CACNA2D1: variants seen among roughly 807,000 people sequenced by gnomAD.
CACNA2D1 encodes voltage-dependent calcium channel subunit alpha-2/delta-1.
Under a neutral mutation model 171.5 loss-of-function variants are expected in CACNA2D1, and 53 were observed. The observed-to-expected ratio is 0.31, with a 90% CI of 0.25 to 0.39. The LOEUF is 0.39. CACNA2D1 is among the 10% of genes least tolerant of loss of function. The pLI, the probability that CACNA2D1 is intolerant of heterozygous loss-of-function variation, is 1.00. For missense variants in CACNA2D1, 903 were observed against 1,299.8 expected, an observed-to-expected ratio of 0.69 and a Z score of 4.69; for synonymous variants, 442 against 443.1, an observed-to-expected ratio of 1.00 and a Z score of 0.03.
chr7:82,443,489 C>G lies in CACNA2D1; in HGVS notation c.-30G>C. ...GCGATCGAAGATCAATGCCCCCTCC[C>G]TGCCCAAGCGGGGGAAGGAGCGGCG... On this transcript the variant is annotated 5_prime_UTR_variant, in exon 1 of 39. Coordinates refer to ENST00000356860, the MANE Select transcript of CACNA2D1 (RefSeq NM_000722.4). 6.2e-7 allele frequency: 1 copy of G among 1,601,548 alleles called. No individual in the cohort carries two copies. Among genetic ancestry groups the G allele is most frequent in the East Asian group, 2.3e-5 (1 of 44,100 alleles).
intron 3 of CACNA2D1, among the ~76,000 whole-genome samples, chr7:82,216,651 T>A (rs76799164): frequency 6.6e-6 from 1 of 151,882 alleles, no homozygotes; most frequent in South Asian, 2.1e-4. Flanking sequence ...CATAATGAGA[T>A]AGTTTGCTCC....
At chr7:82,442,595 G>A (rs10258754) in intron 1 of CACNA2D1, among the ~76,000 whole-genome samples, 1 of 152,178 alleles carries the variant, frequency 6.6e-6, no homozygotes, top group Non-Finnish European at 1.5e-5. Flanking sequence ...GAACAGCAGC[G>A]AGGTTTTTAA....
rs375147301 is a variant in CACNA2D1 at position 81,960,432 on chromosome 7, T to C, written c.2967-603A>G. Among the ~76,000 whole-genome samples the C allele has an allele frequency of 1.3e-3, 195 of 152,166 alleles. 5 individuals carry two copies. Among genetic ancestry groups the C allele is most frequent in the East Asian group, 8.5e-3 (44 of 5,162 alleles). ...TAATTGAAATTTCAATAGCCACCTA[T>C]AGGTGGTAACTACTGCACTGGGCAA... is the stretch of plus-strand genomic sequence containing the variant. On this transcript the variant is annotated intron_variant, in intron 36 of 38. Transcript: ENST00000356860.
At chr7:82,238,579 G>A (rs1443526937) in intron 3 of CACNA2D1, among the ~76,000 whole-genome samples, 1 of 151,958 alleles carries the variant, frequency 6.6e-6, no homozygotes, top group African/African-American at 2.4e-5. Context: ...ACAGATGCTG[G>A]CAACGTTGCA....
At chr7:82,127,321 T>C (rs1300229332) in intron 5 of CACNA2D1, among the ~76,000 whole-genome samples, 1 of 152,204 alleles carries the variant, frequency 6.6e-6, no homozygotes, top group Non-Finnish European at 1.5e-5. Context: ...GCTAGCTTTA[T>C]TATTTCCTCT....
At chr7:82,093,798 A>ACACAG (rs1395393126) in intron 6 of CACNA2D1, among the ~76,000 whole-genome samples, 1 of 152,166 alleles carries the variant, frequency 6.6e-6, no homozygotes, top group Non-Finnish European at 1.5e-5. Flanking sequence ...ACCCACACAT[A>ACACAG]CACAGGCACA....
At chr7:82,048,267 A>G (rs1804780833) in intron 10 of CACNA2D1, among the ~76,000 whole-genome samples, 3 of 152,112 alleles carry the variant, frequency 2.0e-5, no homozygotes, top group Non-Finnish European at 4.4e-5. Context: ...AATTAATGAC[A>G]AAAAGATAGG....
intron 1 of CACNA2D1, among the ~76,000 whole-genome samples, chr7:82,355,286 A>G (rs553503888): frequency 6.6e-6 from 1 of 152,286 alleles, no homozygotes; most frequent in African/African-American, 2.4e-5. Context: ...ATGGCAACTC[A>G]TGTATATCTG....
At chr7:82,376,144 C>A (rs1822993120) in intron 1 of CACNA2D1, among the ~76,000 whole-genome samples, 1 of 152,122 alleles carries the variant, frequency 6.6e-6, no homozygotes, top group Non-Finnish European at 1.5e-5. Flanking sequence ...GTAGTTAGAT[C>A]CCAAACATGG....
intron 2 of CACNA2D1, among the ~76,000 whole-genome samples, chr7:82,340,154 G>A (rs1563394217): frequency 6.6e-6 from 1 of 152,106 alleles, no homozygotes; most frequent in Non-Finnish European, 1.5e-5. Flanking sequence ...TGTCACCATA[G>A]CAATAGAAGA....
intron 5 of CACNA2D1, among the ~76,000 whole-genome samples, chr7:82,134,059 CGA>C (rs1791326875): frequency 6.7e-6 from 1 of 149,796 alleles, no homozygotes; most frequent in South Asian, 2.1e-4. Flanking sequence ...GGCGACAGAG[CGA>C]GAGTCTGTCT....
At chr7:82,015,826 C>T (rs925565185) in intron 12 of CACNA2D1, among the ~76,000 whole-genome samples, 8 of 152,122 alleles carry the variant, frequency 5.3e-5, no homozygotes, top group Non-Finnish European at 1.2e-4. Flanking sequence ...GTTCTCTGTT[C>T]TTTCACTGGT....
intron 38 of CACNA2D1, among the ~76,000 whole-genome samples, chr7:81,956,746 CAATGACTACTTGGAAACCA>C (rs1562772179): frequency 5.9e-5 from 9 of 152,072 alleles, no homozygotes; most frequent in Admixed American, 5.2e-4. Flanking sequence ...GCTTCCTAAT[CAATGACTACTTGGAAACCA>C]ATGACAAACA....
intron 3 of CACNA2D1, among the ~76,000 whole-genome samples, chr7:82,210,588 T>C (rs1160386767): frequency 6.6e-6 from 1 of 152,140 alleles, no homozygotes; most frequent in African/African-American, 2.4e-5. Flanking sequence ...TTGCACTGTG[T>C]CTGGGTAAAA....
At chr7:81,951,940 C>G (rs1792568756) in intron 38 of CACNA2D1, among the ~76,000 whole-genome samples, 1 of 131,414 alleles carries the variant, frequency 7.6e-6, no homozygotes, top group Non-Finnish European at 1.6e-5. Flanking sequence ...GTTGTATTAG[C>G]TTACATTCCC....
At chr7:82,261,787 G>A (rs141582872) in intron 3 of CACNA2D1, among the ~76,000 whole-genome samples, 6 of 152,054 alleles carry the variant, frequency 3.9e-5, no homozygotes, top group Non-Finnish European at 8.8e-5. Context: ...TTGGCATTCC[G>A]TGTTAAAATG....
At chr7:82,274,066 C>A (rs570027518) in intron 3 of CACNA2D1, among the ~76,000 whole-genome samples, 1 of 152,258 alleles carries the variant, frequency 6.6e-6, no homozygotes, top group South Asian at 2.1e-4. Context: ...TACTCTCGCA[C>A]TTGCTCATTA....
chr7:82,268,725 CA>C (rs3839794), intron 3 of CACNA2D1, among the ~76,000 whole-genome samples: 100,303 of 138,646 alleles, frequency 0.72, 35,727 homozygotes, highest in African/African-American at 0.85. Flanking sequence ...TACCTGAGAC[CA>C]AAAAAAAAAA....
At chr7:82,033,299 G>GGGAA (rs1802934447) in intron 11 of CACNA2D1, among the ~76,000 whole-genome samples, 1 of 151,848 alleles carries the variant, frequency 6.6e-6, no homozygotes, top group African/African-American at 2.4e-5. Flanking sequence ...AGCTACATAA[G>GGGAA]GGAAGGAAGC....
Sources: gnomAD v4.1 joint callset for allele counts (sites outside exome capture counted in the v4.1 genomes callset) on GRCh38, gnomAD v4.1.1 for gene constraint, MANE v1.5 for transcripts, NCBI Gene and HGNC (gene_info 2026-07-23, HGNC 2026-07-21) for gene names.